Variants in WWP2 observed in about 807,000 individuals in gnomAD.
WWP2 encodes WW domain containing E3 ubiquitin protein ligase 2.
In WWP2, 57 loss-of-function variants were observed where a neutral mutation model predicts 121.0. The ratio of observed to expected loss-of-function variants is 0.47; its 90% confidence interval spans 0.38 to 0.59. The LOEUF (loss-of-function observed/expected upper bound fraction) is 0.59. Ranked by LOEUF, WWP2 falls within the 20% of genes least tolerant of loss-of-function variation. The pLI is 0.00. For synonymous variants in WWP2, 449 were observed against 441.3 expected (o/e 1.02, Z -0.22); for missense variants, 962 against 1,158.9 (o/e 0.83, Z 2.47).
At chr16:69,834,531 G>GT (rs1022932465) in intron 4 of WWP2, among the ~76,000 whole-genome samples, 362 of 137,826 alleles carry the variant, frequency 2.6e-3, no homozygotes, top group Middle Eastern at 7.3e-3. Context: ...TTTTTTTTTA[G>GT]TTTTTTTTTT....
At chr16:69,895,877 A>T (rs1030781969) in intron 8 of WWP2, among the ~76,000 whole-genome samples, 1 of 152,208 alleles carries the variant, frequency 6.6e-6, no homozygotes, top group African/African-American at 2.4e-5. Flanking sequence ...AAAGGATTAC[A>T]CTGAGCGTCT....
At chr16:69,900,572 GA>G (rs2058188336) in intron 8 of WWP2, among the ~76,000 whole-genome samples, 1 of 151,844 alleles carries the variant, frequency 6.6e-6, no homozygotes, top group African/African-American at 2.4e-5. Context: ...ACCCAGGCTG[GA>G]GTGCAGTGGT....
chr16:69,823,403 G>A (rs1419341483), intron 4 of WWP2, among the ~76,000 whole-genome samples: 2 of 151,768 alleles, frequency 1.3e-5, no homozygotes, highest in African/African-American at 4.8e-5. Flanking sequence ...AGAAAGACTG[G>A]GAAACTTCTC....
At chr16:69,783,494 C>T (rs1362366003) in intron 1 of WWP2, among the ~76,000 whole-genome samples, 1 of 151,842 alleles carries the variant, frequency 6.6e-6, no homozygotes, top group Non-Finnish European at 1.5e-5. Flanking sequence ...CATGATTATG[C>T]CTGTGAGTAG....
At chr16:69,904,537 T>TA (rs943972822) in intron 8 of WWP2, among the ~76,000 whole-genome samples, 1 of 151,952 alleles carries the variant, frequency 6.6e-6, no homozygotes, top group Non-Finnish European at 1.5e-5. Flanking sequence ...TCTGACTATT[T>TA]AAAAAAATTT....
chr16:69,929,810 T>G (rs2058687443), intron 12 of WWP2, among the ~76,000 whole-genome samples: 1 of 152,152 alleles, frequency 6.6e-6, no homozygotes, highest in Admixed American at 6.5e-5. Context: ...ATAATTGGAT[T>G]GCAAAAAGGT....
chr16:69,822,051 G>T (rs2056603108), intron 4 of WWP2, among the ~76,000 whole-genome samples: 1 of 151,764 alleles, frequency 6.6e-6, no homozygotes, highest in South Asian at 2.1e-4. Flanking sequence ...ATTTTTTGTA[G>T]AGACAGGGTC....
rs371834471 is a variant in WWP2 at position 69,934,017 on chromosome 16, G to C, written c.1730G>C (p.Cys577Ser). The C allele has an allele frequency of 6.2e-7, 1 of 1,614,158 alleles. No homozygotes were observed. The highest frequency in any genetic ancestry group is 1.3e-5 in the African/African-American group (1 of 75,036). Residue 577 changes from cysteine (C) to serine (S), a missense_variant, in exon 17 of 24, where the codon TGT (cysteine) becomes TCT (serine). Around this residue, in one of 3 missense-constraint regions of WWP2, gnomAD observed 606 missense variants for 772.6 expected, o/e 0.78. Transcript: ENST00000359154. ...LSHEVLNPMY[C>S]LFEYAGKNNY... Reference sequence around the variant, plus strand: ...CATGAGGTGCTCAACCCTATGTATTGTTTATTTGAATATGCCGGAAAGAAC... The same window carrying C: ...CATGAGGTGCTCAACCCTATGTATTCTTTATTTGAATATGCCGGAAAGAAC...
intron 2 of WWP2, among the ~76,000 whole-genome samples, chr16:69,796,575 A>G (rs1385051990): frequency 6.6e-6 from 1 of 152,236 alleles, no homozygotes; most frequent in Non-Finnish European, 1.5e-5. Context: ...TTTAAAATAC[A>G]GTTTTTACTG....
At chr16:69,845,440 G>T (rs1476025400) in intron 6 of WWP2, among the ~76,000 whole-genome samples, 2 of 152,106 alleles carry the variant, frequency 1.3e-5, no homozygotes, top group African/African-American at 2.4e-5. Flanking sequence ...AGAATGATGG[G>T]CTTCTGCCTG....
chr16:69,846,049 CAAA>C (rs57201672), intron 6 of WWP2, among the ~76,000 whole-genome samples: 14 of 45,604 alleles, frequency 3.1e-4, no homozygotes, highest in South Asian at 2.5e-3. Flanking sequence ...GACTCCATCT[CAAA>C]AAAAAAAAAA....
intron 4 of WWP2, among the ~76,000 whole-genome samples, chr16:69,811,534 G>T (rs1477059591): frequency 6.6e-6 from 1 of 152,028 alleles, no homozygotes; most frequent in Non-Finnish European, 1.5e-5. Context: ...GCCCTCTTGA[G>T]CCTAGGAGTT....
chr16:69,861,225 G>A (rs2057412523), intron 6 of WWP2, among the ~76,000 whole-genome samples: 2 of 152,234 alleles, frequency 1.3e-5, no homozygotes, highest in Non-Finnish European at 2.9e-5. Context: ...GCCACGTTGA[G>A]CAGGTGAACA....
At chr16:69,833,325 G>A (rs1230973790) in intron 4 of WWP2, among the ~76,000 whole-genome samples, 1 of 152,228 alleles carries the variant, frequency 6.6e-6, no homozygotes, top group Non-Finnish European at 1.5e-5. Context: ...GGATTTTGCT[G>A]TGTGTCTCCC....
chr16:69,798,846 T>G lies in WWP2; in HGVS notation c.218+17T>G. ...CATCATTTTGTAAGAGAAAGCCCCT[T>G]CTTTTTGAACGCAGCAAGATGGGGA... On this transcript the variant is annotated intron_variant, in intron 3 of 23. Transcript: ENST00000359154. The G allele has an allele frequency of 6.2e-7, 1 of 1,612,502 alleles. No homozygotes were observed. Among genetic ancestry groups the G allele is most frequent in the Non-Finnish European group, 8.5e-7 (1 of 1,179,468 alleles).
intron 7 of WWP2, among the ~76,000 whole-genome samples, chr16:69,881,633 G>C (rs1456936685): frequency 1.3e-5 from 2 of 152,192 alleles, no homozygotes; most frequent in African/African-American, 4.8e-5. Context: ...CAGATTTTCT[G>C]AAAGTAATAT....
At chr16:69,866,298 ATTTAT>A (rs2057523464) in intron 6 of WWP2, among the ~76,000 whole-genome samples, 1 of 150,428 alleles carries the variant, frequency 6.6e-6, no homozygotes, top group Non-Finnish European at 1.5e-5. Flanking sequence ...TTATTTATTT[ATTTAT>A]TTATTTATTT....
chr16:69,803,484 C>G (rs901303679), intron 4 of WWP2, among the ~76,000 whole-genome samples: 28 of 152,102 alleles, frequency 1.8e-4, no homozygotes, highest in African/African-American at 6.3e-4. Context: ...CTCAACATGT[C>G]GTTTTGCAGT....
intron 4 of WWP2, among the ~76,000 whole-genome samples, chr16:69,820,058 G>A (rs1262652650): frequency 6.6e-6 from 1 of 152,102 alleles, no homozygotes; most frequent in East Asian, 1.9e-4. Context: ...GCAACATAGT[G>A]AGACCCTCTA....
Sources: allele counts gnomAD v4.1 joint callset (sites outside exome capture counted in the v4.1 genomes callset), GRCh38; gene constraint gnomAD v4.1.1; regional missense constraint gnomAD v4.1.1; transcripts MANE v1.5; gene names NCBI Gene and HGNC (gene_info 2026-07-23, HGNC 2026-07-21).